TBPL2: variants seen among roughly 807,000 people sequenced by gnomAD.
TBPL2 encodes the protein TATA box-binding protein-like 2.
Under a neutral mutation model 38.2 loss-of-function variants are expected in TBPL2, and 40 were observed. The observed-to-expected ratio is 1.05, with a 90% CI of 0.81 to 1.36. The LOEUF is 1.36. Among genes scored for constraint, TBPL2 ranks in the 40% most tolerant of loss-of-function variants. The pLI is 0.00. For missense variants in TBPL2, 461 were observed against 456.7 expected, an observed-to-expected ratio of 1.01 and a Z score of -0.09; for synonymous variants, 169 against 171.7, an observed-to-expected ratio of 0.98 and a Z score of 0.12.
intron 6 of TBPL2, 147 bp from the exon 7 acceptor site, chr14:55,414,602 A>G (rs939160519): frequency 1.6e-6 from 1 of 615,650 alleles, no homozygotes; most frequent in African/African-American, 1.9e-5. Flanking sequence ...TTCCGGGTAA[A>G]TAATTTGGCA....
chr14:55,440,593 C>T (rs1454804581), exon 1 of TBPL2: 1 of 1,530,704 alleles, frequency 6.5e-7, no homozygotes, highest in East Asian at 2.3e-5. Context: ...GCCCAGGTTC[C>T]TGCAGAGGGC....
At chr14:55,439,719 A>C (rs1189035700) in intron 1 of TBPL2, among the ~76,000 whole-genome samples, 2 of 151,154 alleles carry the variant, frequency 1.3e-5, no homozygotes, top group Non-Finnish European at 2.9e-5. Flanking sequence ...TCACGAGGTC[A>C]GGAGATCGAG....
intron 5 of TBPL2, 29 bp downstream of exon 5, chr14:55,428,778 T>A (rs1261026178): frequency 1.3e-6 from 2 of 1,585,028 alleles, no homozygotes; most frequent in East Asian, 2.2e-5. Context: ...CTTGGTAAAT[T>A]CAAAGTTCAA....
intron 6 of TBPL2, among the ~76,000 whole-genome samples, chr14:55,417,341 G>A (rs148950835): frequency 6.7e-6 from 1 of 149,540 alleles, no homozygotes; most frequent in African/African-American, 2.5e-5. Context: ...CTAAAATATT[G>A]CCATCAAAAG....
intron 6 of TBPL2, 67 bp downstream of exon 6, chr14:55,424,092 A>G: frequency 8.8e-7 from 1 of 1,130,218 alleles, no homozygotes; most frequent in East Asian, 2.4e-5. Flanking sequence ...AAGGTATTTA[A>G]AAGAATAAGC....
rs564199703 is a variant in TBPL2, at chr14:55,424,220, A to G, written c.990T>C (p.Tyr330=). The change falls in exon 6 of 7, where the codon TAT becomes TAC. Residue 330 remains tyrosine, a synonymous_variant. Coordinates refer to ENST00000247219, the Ensembl canonical transcript of TBPL2. ...ACACAATTCGTGGTTTTACCATTCT[A>G]TAAATAAGACCAGGAAACAGTTCAG... 54 of 1,613,468 alleles carry G rather than the reference A, an allele frequency of 3.3e-5. No homozygotes were observed. The South Asian group carries it at 5.7e-4, about 17-fold the overall frequency.
intron 6 of TBPL2, among the ~76,000 whole-genome samples, chr14:55,422,809 C>T (rs551905695): frequency 1.4e-4 from 22 of 152,118 alleles, no homozygotes; most frequent in South Asian, 4.2e-4. Flanking sequence ...GCTGAGATCG[C>T]GCCGCCATAG....
At chr14:55,420,565 G>T (rs984483445) in intron 6 of TBPL2, among the ~76,000 whole-genome samples, 14 of 152,196 alleles carry the variant, frequency 9.2e-5, no homozygotes, top group African/African-American at 3.1e-4. Flanking sequence ...TTACTTCACA[G>T]TATAAGCAGA....
chr14:55,437,979 G>A (rs1007323410), intron 1 of TBPL2, among the ~76,000 whole-genome samples: 2 of 152,258 alleles, frequency 1.3e-5, no homozygotes, highest in South Asian at 2.1e-4. Flanking sequence ...ATCCAGCAAC[G>A]GAGAGAATGA....
In TBPL2 at chr14:55,433,739, A is replaced by C. The variant is rs1334590472; in HGVS notation, c.697-18T>G. ...GCAAACCTCTATACCCAGAAACCAA[A>C]AGAGAATTAGCCTCTGCTAGGAGTT... On this transcript the variant is annotated intron_variant, in intron 3 of 6. Transcript: ENST00000247219. 3 of 1,610,928 alleles carry C rather than the reference A, an allele frequency of 1.9e-6. No individual in the cohort carries two copies. Among genetic ancestry groups the C allele is most frequent in the African/African-American group, 1.3e-5 (1 of 74,774 alleles).
chr14:55,414,368 G>A, exon 7 of TBPL2: 6 of 1,585,896 alleles, frequency 3.8e-6, no homozygotes, highest in Non-Finnish European at 4.3e-6. Context: ...GTGAGATGCT[G>A]AATGATATGC....
chr14:55,435,705 A>G (rs1886001522), intron 3 of TBPL2, 142 bp downstream of exon 3: 1 of 582,210 alleles, frequency 1.7e-6, no homozygotes, highest in Non-Finnish European at 3.0e-6. Context: ...CTCAAAACAG[A>G]TATTAACCCT....
chr14:55,439,475 C>T (rs1235400328), intron 1 of TBPL2, among the ~76,000 whole-genome samples: 6 of 146,454 alleles, frequency 4.1e-5, no homozygotes, highest in Non-Finnish European at 9.0e-5. Context: ...GCACAATGCA[C>T]TCTCTGTGCA....
intron 1 of TBPL2, 64 bp from the exon 2 acceptor site, chr14:55,437,082 G>C: frequency 1.4e-6 from 2 of 1,435,556 alleles, no homozygotes; most frequent in Non-Finnish European, 2.0e-6. Flanking sequence ...TACACAAAAG[G>C]GATGTCACTA....
intron 6 of TBPL2, among the ~76,000 whole-genome samples, chr14:55,418,649 G>A (rs1311424380): frequency 6.6e-6 from 1 of 152,164 alleles, no homozygotes; most frequent in African/African-American, 2.4e-5. Context: ...GAGAAGCACA[G>A]ATGTTGAGCT....
chr14:55,440,289 C>T, intron 1 of TBPL2, 107 bp downstream of exon 1: 1 of 1,376,398 alleles, frequency 7.3e-7, no homozygotes, highest in Non-Finnish European at 1.0e-6. Context: ...AAACCAAGCC[C>T]GCCTCTTATG....
intron 4 of TBPL2, among the ~76,000 whole-genome samples, chr14:55,433,111 T>C (rs1885958217): frequency 6.6e-6 from 1 of 151,936 alleles, no homozygotes; most frequent in Non-Finnish European, 1.5e-5. Flanking sequence ...AACTGTAAAA[T>C]GGGGATATGT....
intron 5 of TBPL2, 90 bp downstream of exon 5, chr14:55,428,717 A>G (rs1377184302): frequency 6.5e-6 from 9 of 1,376,570 alleles, no homozygotes; most frequent in Middle Eastern, 2.7e-4. Context: ...TTTAATCACA[A>G]TTTCTCTGAA....
intron 5 of TBPL2, among the ~76,000 whole-genome samples, chr14:55,424,480 A>C (rs188306527): frequency 4.6e-5 from 7 of 152,330 alleles, no homozygotes; most frequent in Admixed American, 4.6e-4. Flanking sequence ...AGTGCAAGCT[A>C]TCCTGGATGG....
Sources: gnomAD v4.1 joint callset for allele counts (sites outside exome capture counted in the v4.1 genomes callset) on GRCh38, gnomAD v4.1.1 for gene constraint, MANE v1.5 for transcripts, NCBI Gene and HGNC (gene_info 2026-07-23, HGNC 2026-07-21) for gene names.